Variants in GNAI2 observed in about 807,000 individuals in gnomAD.
GNAI2 encodes G protein subunit alpha i2.
GNAI2 carries 4 observed loss-of-function variants against 36.8 expected under a neutral mutation model. That is an observed-to-expected ratio of 0.11 (90% confidence interval 0.05 to 0.25). The LOEUF (loss-of-function observed/expected upper bound fraction) is 0.25, where lower values mean the gene tolerates loss of function less well. Among genes scored for constraint, GNAI2 ranks in the 10% least tolerant of loss-of-function variants. GNAI2 has a pLI of 1.00. For missense variants in GNAI2, 230 were observed against 481.3 expected, an observed-to-expected ratio of 0.48 and a Z score of 4.89; for synonymous variants, 194 against 194.1, an observed-to-expected ratio of 1.00 and a Z score of 0.01.
In GNAI2 at chr3:50,241,724, G is replaced by A. The variant is rs1700303864; in HGVS notation, c.118+5271G>A. On this transcript the variant is annotated intron_variant, in intron 1 of 8. Transcript: ENST00000313601. The surrounding 1 kb of genome is among the most constrained non-coding windows in gnomAD (Gnocchi z 5.0). ...CCAGTTGCGGGACACAGGCTTCCATGTCAGAAGCCCTGAGGCAGCATCACA... is the reference window on the plus strand; with the variant it reads ...CCAGTTGCGGGACACAGGCTTCCATATCAGAAGCCCTGAGGCAGCATCACA... 6.6e-6 allele frequency among the ~76,000 whole-genome samples: 1 copy of A among 152,204 alleles called. No homozygotes were observed. Among genetic ancestry groups the A allele is most frequent in the South Asian group, 2.1e-4 (1 of 4,836 alleles).
At position 50,236,822 on chromosome 3, in the gene GNAI2, C is replaced by T. The variant is rs763612658; in HGVS notation, c.118+369C>T. Among the ~76,000 whole-genome samples the T allele has an allele frequency of 4.6e-5, 7 of 152,160 alleles. No individual in the cohort carries two copies. Among genetic ancestry groups the T allele is most frequent in the South Asian group, 2.1e-4 (1 of 4,832 alleles). ...AGGATGCCCGCCACTTGTTCCCCAA[C>T]CCTCAGGCTCCGCTTGTTTTCCTCA... On this transcript the variant is annotated intron_variant, in intron 1 of 8. Transcript: ENST00000313601. The surrounding 1 kb of genome is among the most constrained non-coding windows in gnomAD (Gnocchi z 4.0).
At chr3:50,227,523 G>A (rs1699996970), upstream of GNAI2, 1 of 204,590 alleles carries the variant, frequency 4.9e-6, no homozygotes, top group Admixed American at 6.0e-5. This position sits in a 1 kb window ranked among gnomAD's most constrained non-coding sequence, Gnocchi z 5.9. Flanking sequence ...GCCCCGCGAA[G>A]CCGTTCCGGC....
intron 1 of GNAI2, among the ~76,000 whole-genome samples, chr3:50,239,237 T>C (rs1484231166): frequency 6.6e-6 from 1 of 152,222 alleles, no homozygotes; most frequent in Admixed American, 6.5e-5. Flanking sequence ...AAGGAGACAG[T>C]GTCCACCATT....
chr3:50,236,145 GGCCCCACCCCCGGCCC>G, upstream of GNAI2: 1 of 1,148,306 alleles, frequency 8.7e-7, no homozygotes, highest in African/African-American at 1.6e-5. The surrounding 1 kb of genome is among the most constrained non-coding windows in gnomAD (Gnocchi z 4.0). Context: ...GGTTCGCCCA[GGCCCCACCCCCGGCCC>G]GCCCCGCCGT....
intron 1 of GNAI2, among the ~76,000 whole-genome samples, chr3:50,243,531 C>A (rs1436514499): frequency 2.0e-5 from 3 of 152,264 alleles, no homozygotes; most frequent in African/African-American, 7.2e-5. Context: ...CCCCTACCAG[C>A]ACCCACTCAC....
chr3:50,257,618 C>T lies in GNAI2; in HGVS notation c.996C>T (p.Asn332=), dbSNP rs782260219. The change falls in exon 8 of 9, where the codon AAC becomes AAT. Residue 332 remains asparagine, a synonymous_variant. Coordinates refer to ENST00000313601, the MANE Select transcript of GNAI2 (RefSeq NM_002070.4). ...THFTCATDTK[N]VQFVFDAVTD... is the part of the protein sequence containing the mutation. ...TCACGTGCGCCACCGACACCAAGAA[C>T]GTGCAGTTCGTGTTTGACGCCGTCA... is the stretch of plus-strand genomic sequence containing the variant. 14 of 1,610,512 alleles carry T rather than the reference C, an allele frequency of 8.7e-6. No individual in the cohort carries two copies. Among genetic ancestry groups the T allele is most frequent in the East Asian group, 6.7e-5 (3 of 44,754 alleles).
At chr3:50,247,660 T>C (rs1700454727) in intron 1 of GNAI2, among the ~76,000 whole-genome samples, 1 of 152,242 alleles carries the variant, frequency 6.6e-6, no homozygotes, top group South Asian at 2.1e-4. Context: ...GCAGATGTTC[T>C]AGTGCAGAGC....
rs1700702198 is a variant in GNAI2 at position 50,256,326 on chromosome 3, C to T, written c.593+6C>T. ...TTCAAGGACCTACACTTCAAGTGAG[C>T]GAGCATGTGGACAGGTGGGAGGGGC... is the stretch of plus-strand genomic sequence containing the variant. On this transcript the variant is annotated splice_donor_region_variant and intron_variant, in intron 5 of 8. Coordinates refer to ENST00000313601, the MANE Select transcript of GNAI2 (RefSeq NM_002070.4). The T allele has an allele frequency of 1.8e-5, 29 of 1,613,464 alleles. No homozygotes were observed. The highest frequency in any genetic ancestry group is 2.3e-5 in the Non-Finnish European group (27 of 1,179,536).
chr3:50,256,939 C>A lies in GNAI2; in HGVS notation c.726C>A (p.Asn242Lys). The A allele has an allele frequency of 6.2e-7, 1 of 1,614,128 alleles. No individual in the cohort carries two copies. Among genetic ancestry groups the A allele is most frequent in the Non-Finnish European group, 8.5e-7 (1 of 1,180,002 alleles). Residue 242 changes from asparagine to lysine, a missense_variant and splice_region_variant, in exon 7 of 9, where the codon AAC becomes AAA. Transcript: ENST00000313601. ...DLVLAEDEEM[N>K]RMHESMKLFD... ...TGACCTTGCTATTCTACCCCCAGAACCGCATGCATGAGAGCATGAAGCTAT... is the reference window on the plus strand; with the variant it reads ...TGACCTTGCTATTCTACCCCCAGAAACGCATGCATGAGAGCATGAAGCTAT...
At position 50,252,282 on chromosome 3, in the gene GNAI2, C is replaced by A; in HGVS notation, c.162-115C>A. On this transcript the variant is annotated intron_variant, in intron 2 of 8. Transcript: ENST00000313601. The surrounding 1 kb of genome is among the most constrained non-coding windows in gnomAD (Gnocchi z 4.1). ...CTGAGAAGCAGAAGGACCCTCAGGTCCCAGTGGGTCAGGGGCAGTTTTCCC... is the reference window on the plus strand; with the variant it reads ...CTGAGAAGCAGAAGGACCCTCAGGTACCAGTGGGTCAGGGGCAGTTTTCCC... 1 of 1,385,800 alleles carries A rather than the reference C, an allele frequency of 7.2e-7. No homozygotes were observed. Among genetic ancestry groups the A allele is most frequent in the South Asian group, 1.2e-5 (1 of 83,900 alleles). The allele number at this position is 1,385,800 out of a possible 1,614,324, so 85.8% of individuals were successfully genotyped here.
upstream of GNAI2, chr3:50,227,243 C>G: frequency 8.7e-7 from 1 of 1,149,226 alleles, no homozygotes; most frequent in Non-Finnish European, 1.2e-6. The surrounding 1 kb of genome is among the most constrained non-coding windows in gnomAD (Gnocchi z 5.9). Context: ...GGTGGGGCCC[C>G]GCGCGGGGCA....
rs782800215 is a variant in GNAI2, at chr3:50,236,853, G to C, written c.118+400G>C. Among the ~76,000 whole-genome samples, 1 of 152,000 alleles carries C rather than the reference G, an allele frequency of 6.6e-6. No homozygotes were observed. Among genetic ancestry groups the C allele is most frequent in the African/African-American group, 2.4e-5 (1 of 41,372 alleles). On this transcript the variant is annotated intron_variant, in intron 1 of 8. Coordinates refer to ENST00000313601, the MANE Select transcript of GNAI2 (RefSeq NM_002070.4). This position sits in a 1 kb window ranked among gnomAD's most constrained non-coding sequence, Gnocchi z 4.0. ...GGCTCCGCTTGTTTTCCTCACCTGC[G>C]CCTTTTATTCCTATTGGGCATGAGC...
In GNAI2 at chr3:50,236,451, T is replaced by A. The variant is rs782454435; in HGVS notation, c.116T>A (p.Leu39Ter). The change falls in exon 1 of 9, where the codon TTG (leucine) becomes TAG (stop). Residue 39 changes from leucine (L) to a stop codon, truncating the protein, a stop_gained and splice_region_variant. Transcript: ENST00000313601. LOFTEE classifies it high-confidence loss of function. The surrounding 1 kb of genome is among the most constrained non-coding windows in gnomAD (Gnocchi z 4.0). ...GCGCGGGAGGTGAAGTTGCTGCTGT[T>A]GGGTGAGGCCGCGTCCCGCACTGGG... ...KAAREVKLLL[L>*]GAGESGKSTI... 6.4e-7 allele frequency: 1 copy of A among 1,574,038 alleles called. No homozygotes were observed. The highest frequency in any genetic ancestry group is 2.5e-5 in the East Asian group (1 of 39,994).
intron 1 of GNAI2, among the ~76,000 whole-genome samples, chr3:50,246,269 A>G (rs1700421538): frequency 6.6e-6 from 1 of 152,146 alleles, no homozygotes; most frequent in Non-Finnish European, 1.5e-5. Context: ...CACCTTCCCC[A>G]GTCGCCCCTG....
intron 1 of GNAI2, among the ~76,000 whole-genome samples, chr3:50,240,380 C>T (rs1700272130): frequency 6.6e-6 from 1 of 152,144 alleles, no homozygotes; most frequent in Non-Finnish European, 1.5e-5. Flanking sequence ...GGCCTGTATT[C>T]CCAAGAGCTT....
chr3:50,234,077 T>C (rs1700116586), upstream of GNAI2, among the ~76,000 whole-genome samples: 1 of 146,690 alleles, frequency 6.8e-6, no homozygotes, highest in Non-Finnish European at 1.5e-5. Context: ...TTTTTTTTTT[T>C]TTTTTTTGAG....
rs782214187 is a variant in GNAI2 at position 50,236,463 on chromosome 3, C to G, written c.118+10C>G. 11 of 1,572,884 alleles carry G rather than the reference C, an allele frequency of 7.0e-6. No individual in the cohort carries two copies. The highest frequency in any genetic ancestry group is 9.5e-6 in the Non-Finnish European group (11 of 1,163,322). On this transcript the variant is annotated intron_variant, in intron 1 of 8. Transcript: ENST00000313601. The surrounding 1 kb of genome is among the most constrained non-coding windows in gnomAD (Gnocchi z 4.0). ...AAGTTGCTGCTGTTGGGTGAGGCCG[C>G]GTCCCGCACTGGGATCCTTGATTCC...
Position 50,252,241 on chromosome 3 carries a change from C to A in GNAI2, c.161+99C>A. 7.0e-7 allele frequency: 1 copy of A among 1,428,908 alleles called. No homozygotes were observed. Among genetic ancestry groups the A allele is most frequent in the Non-Finnish European group, 9.8e-7 (1 of 1,018,140 alleles). 88.5% of individuals were successfully genotyped at this position (1,428,908 alleles called of 1,614,324 possible). A position where few individuals can be genotyped will look rare whatever the true frequency, so the allele number is the denominator to read the frequency against. On this transcript the variant is annotated intron_variant, in intron 2 of 8. Transcript: ENST00000313601. This position sits in a 1 kb window ranked among gnomAD's most constrained non-coding sequence, Gnocchi z 4.1. ...CGACTACAGGCCCAGCCAGTCTTAGCCAGGCCCAGAATCTTCTGAGAAGCA... is the reference window on the plus strand; with the variant it reads ...CGACTACAGGCCCAGCCAGTCTTAGACAGGCCCAGAATCTTCTGAGAAGCA...
At chr3:50,246,092 AGGGGGGCC>A (rs1700413208) in intron 1 of GNAI2, among the ~76,000 whole-genome samples, 1 of 151,912 alleles carries the variant, frequency 6.6e-6, no homozygotes, top group Admixed American at 6.6e-5. Flanking sequence ...GGAGGGAATG[AGGGGGGCC>A]GGGGAGCAGC....
Sources: allele counts gnomAD v4.1 joint callset (sites outside exome capture counted in the v4.1 genomes callset), GRCh38; gene constraint gnomAD v4.1.1; non-coding constraint Gnocchi (gnomAD v3.1); transcripts MANE v1.5; gene names NCBI Gene and HGNC (gene_info 2026-07-23, HGNC 2026-07-21).